The following CCSER1 variants were observed in gnomAD, a reference collection of about 807,000 sequenced individuals.
The protein encoded by CCSER1 is serine-rich coiled-coil domain-containing protein 1.
Under a neutral mutation model 82.0 loss-of-function variants are expected in CCSER1, and 41 were observed. The observed-to-expected ratio is 0.50, with a 90% CI of 0.39 to 0.65. The LOEUF (loss-of-function observed/expected upper bound fraction) is 0.65. Among genes scored for constraint, CCSER1 ranks in the 30% least tolerant of loss-of-function variants. CCSER1 has a pLI of 0.00. For synonymous variants in CCSER1, 414 were observed against 383.9 expected, an observed-to-expected ratio of 1.08 and a Z score of -0.92; for missense variants, 1,119 against 1,064.2, an observed-to-expected ratio of 1.05 and a Z score of -0.72.
chr4:91,190,101 G>T (rs1734878357), intron 10 of CCSER1, among the ~76,000 whole-genome samples: 1 of 152,166 alleles, frequency 6.6e-6, no homozygotes, highest in South Asian at 2.1e-4. Context: ...TGCACTCCAT[G>T]ATTTCCTTAT....
intron 9 of CCSER1, among the ~76,000 whole-genome samples, chr4:90,949,273 C>T (rs1459820081): frequency 3.9e-5 from 6 of 152,102 alleles, no homozygotes; most frequent in East Asian, 1.9e-4. Context: ...TTAATCTTTT[C>T]GGTTCCATCA....
At chr4:91,356,145 A>T (rs1748814859) in intron 10 of CCSER1, among the ~76,000 whole-genome samples, 1 of 151,916 alleles carries the variant, frequency 6.6e-6, no homozygotes. Flanking sequence ...GTCTTTGGAA[A>T]CCCCTTCTAG....
chr4:90,659,341 C>T (rs1730323989), intron 6 of CCSER1, among the ~76,000 whole-genome samples: 1 of 152,148 alleles, frequency 6.6e-6, no homozygotes, highest in Non-Finnish European at 1.5e-5. Flanking sequence ...ATGAATTATA[C>T]TTCTAGCACC....
chr4:90,767,745 G>A (rs1332136359), intron 7 of CCSER1, among the ~76,000 whole-genome samples: 1 of 152,036 alleles, frequency 6.6e-6, no homozygotes, highest in African/African-American at 2.4e-5. Context: ...TGCTATCTCA[G>A]TTTGCTCCAT....
intron 10 of CCSER1, among the ~76,000 whole-genome samples, chr4:91,471,856 G>A (rs1004864108): frequency 3.3e-5 from 5 of 150,914 alleles, no homozygotes; most frequent in African/African-American, 1.2e-4. Flanking sequence ...TGTAGTCCTA[G>A]CTACTCATGA....
chr4:90,631,180 G>T (rs183131382), intron 6 of CCSER1, among the ~76,000 whole-genome samples: 1 of 151,972 alleles, frequency 6.6e-6, no homozygotes, highest in Non-Finnish European at 1.5e-5. Context: ...GGCATGAGCC[G>T]CCGCACCTGG....
intron 3 of CCSER1, among the ~76,000 whole-genome samples, chr4:90,399,351 G>A (rs1399021668): frequency 6.6e-6 from 1 of 151,996 alleles, no homozygotes; most frequent in East Asian, 1.9e-4. Context: ...TATAATGCAA[G>A]TCAATAATTA....
Position 90,929,213 on chromosome 4 carries a change from C to T in CCSER1, c.2172+5766C>T, listed in dbSNP as rs1481017595. On this transcript the variant is annotated intron_variant, in intron 9 of 10. Coordinates refer to ENST00000509176, the MANE Select transcript of CCSER1 (RefSeq NM_001145065.2). ...TGAAACTAAACAAATTTAGAAAGCA[C>T]TCAATGATTACTTGGTGAAAAAAAA... Among the ~76,000 whole-genome samples the T allele has an allele frequency of 2.0e-5, 3 of 152,042 alleles. No individual in the cohort carries two copies. In the East Asian group the frequency reaches 5.8e-4, roughly 29 times the overall value.
chr4:90,815,089 A>G (rs62309555), intron 7 of CCSER1, among the ~76,000 whole-genome samples: 50,664 of 151,882 alleles, frequency 0.33, 8,573 homozygotes, highest in East Asian at 0.42. Context: ...GTTTCTCATG[A>G]CTGGGGAAGC....
At chr4:91,175,391 T>A (rs1312593371) in intron 10 of CCSER1, among the ~76,000 whole-genome samples, 1 of 152,220 alleles carries the variant, frequency 6.6e-6, no homozygotes, top group Non-Finnish European at 1.5e-5. Flanking sequence ...CCTTGAGGAA[T>A]CGCCACACTG....
rs77504853 is a variant in CCSER1, at chr4:90,864,610, T to C, written c.2094+48765T>C. Among the ~76,000 whole-genome samples the C allele has an allele frequency of 2.8e-3, 430 of 152,128 alleles. 1 individual carries two copies. Among genetic ancestry groups the C allele is most frequent in the Middle Eastern group, 0.01 (3 of 294 alleles). Reference sequence around the variant, plus strand: ...TTCAGCCAAGTAAACTTCCATTGCTTATAAATTACCCAGTTTGTGGTATTC... The same window carrying C: ...TTCAGCCAAGTAAACTTCCATTGCTCATAAATTACCCAGTTTGTGGTATTC... On this transcript the variant is annotated intron_variant, in intron 8 of 10. Transcript: ENST00000509176.
At chr4:90,957,164 G>A (rs567131599) in intron 9 of CCSER1, among the ~76,000 whole-genome samples, 147 of 136,954 alleles carry the variant, frequency 1.1e-3, no homozygotes, top group African/African-American at 2.9e-3. Context: ...GTGCAGTGGC[G>A]CGATCTCGGC....
chr4:90,794,326 A>G (rs1300420766), intron 7 of CCSER1, among the ~76,000 whole-genome samples: 1 of 152,098 alleles, frequency 6.6e-6, no homozygotes, highest in East Asian at 1.9e-4. Context: ...ATCCATCTTG[A>G]GTAGATTTTT....
chr4:90,156,047 T>C (rs1162454573), intron 1 of CCSER1, among the ~76,000 whole-genome samples: 3 of 152,322 alleles, frequency 2.0e-5, no homozygotes, highest in Middle Eastern at 3.4e-3. Flanking sequence ...GCTTTGAATG[T>C]GTCCCAGAGA....
intron 10 of CCSER1, among the ~76,000 whole-genome samples, chr4:91,380,421 A>G (rs564244906): frequency 3.3e-5 from 5 of 151,824 alleles, no homozygotes; most frequent in African/African-American, 1.2e-4. Flanking sequence ...CTTTATGAAT[A>G]TGGGTGCTCC....
intron 5 of CCSER1, among the ~76,000 whole-genome samples, chr4:90,580,547 G>A (rs992148090): frequency 9.2e-5 from 14 of 152,274 alleles, no homozygotes; most frequent in African/African-American, 3.4e-4. Context: ...CAGTATTGTG[G>A]CTTAAGGCCT....
intron 7 of CCSER1, among the ~76,000 whole-genome samples, chr4:90,793,487 T>A (rs775135824): frequency 2.6e-5 from 4 of 152,232 alleles, no homozygotes; most frequent in Non-Finnish European, 5.9e-5. Context: ...TCCATGTTAC[T>A]GCAAAGGACG....
chr4:90,803,166 G>A (rs1757044341), intron 7 of CCSER1, among the ~76,000 whole-genome samples: 1 of 152,008 alleles, frequency 6.6e-6, no homozygotes, highest in Admixed American at 6.6e-5. Flanking sequence ...AGGTTTGTGA[G>A]AATTAGAAAT....
intron 3 of CCSER1, among the ~76,000 whole-genome samples, chr4:90,330,412 C>G (rs1461856786): frequency 6.6e-6 from 1 of 152,132 alleles, no homozygotes; most frequent in Non-Finnish European, 1.5e-5. Flanking sequence ...AAAAGCAGAT[C>G]AGCCACCTAG....
Sources: allele counts gnomAD v4.1 joint callset (sites outside exome capture counted in the v4.1 genomes callset), GRCh38; gene constraint gnomAD v4.1.1; transcripts MANE v1.5; gene names NCBI Gene and HGNC (gene_info 2026-07-23, HGNC 2026-07-21).